Variants in MOV10 observed in about 807,000 individuals in gnomAD.
MOV10 encodes RNA helicase MOV-10.
Under a neutral mutation model 108.4 loss-of-function variants are expected in MOV10, and 39 were observed. That is an observed-to-expected ratio of 0.36 (90% CI 0.28 to 0.47). The LOEUF is 0.47. Ranked by LOEUF, MOV10 falls within the 20% of genes least tolerant of loss-of-function variation. MOV10 has a pLI of 1.00. For synonymous variants in MOV10, 490 were observed against 523.1 expected (o/e 0.94, Z 0.86); for missense variants, 952 against 1,297.6 (o/e 0.73, Z 4.09).
Position 112,694,292 on chromosome 1 carries a change from CAG to C in MOV10, c.1295+121_1295+122del. 1 of 1,439,128 alleles carries C rather than the reference CAG, an allele frequency of 6.9e-7. No individual in the cohort carries two copies. Among genetic ancestry groups the C allele is most frequent in the Non-Finnish European group, 9.6e-7 (1 of 1,039,930 alleles). 89.1% of individuals were successfully genotyped at this position (1,439,128 alleles called of 1,614,324 possible). A position where few individuals can be genotyped will look rare whatever the true frequency, so the allele number is the denominator to read the frequency against. ...CGGGGCAGAGCAGGAGACTTTTCCT[CAG>C]GGGTACCCTGAGATGCTACGGCAGC... On this transcript the variant is annotated intron_variant, in intron 8 of 20. Transcript: ENST00000369645. This position sits in a 1 kb window ranked among gnomAD's most constrained non-coding sequence, Gnocchi z 4.1.
In MOV10 at chr1:112,695,298, T is replaced by C. The variant is rs552054628; in HGVS notation, c.1621-118T>C. On this transcript the variant is annotated intron_variant, in intron 10 of 20. Transcript: ENST00000369645. Reference sequence around the variant, plus strand: ...GAGCACTGTTGTACGGGTAGGGCACTGCATGAATCTTGGAGTCACCATTCA... The same window carrying C: ...GAGCACTGTTGTACGGGTAGGGCACCGCATGAATCTTGGAGTCACCATTCA... 8.9e-5 allele frequency: 91 copies of C among 1,024,996 alleles called. No individual in the cohort carries two copies. In the African/African-American group the frequency reaches 1.3e-3, roughly 15 times the overall value. The allele number at this position is 1,024,996 out of a possible 1,614,324, so 63.5% of individuals were successfully genotyped here.
chr1:112,683,059 A>G (rs993459438), intron 2 of MOV10, among the ~76,000 whole-genome samples: 3 of 151,298 alleles, frequency 2.0e-5, no homozygotes, highest in Admixed American at 1.3e-4. Flanking sequence ...AGCAGGGATT[A>G]CAGGTGCCTG....
chr1:112,682,101 G>A (rs1021908622), intron 2 of MOV10, among the ~76,000 whole-genome samples: 6 of 151,870 alleles, frequency 4.0e-5, no homozygotes, highest in Admixed American at 2.0e-4. Flanking sequence ...CACCATGTTG[G>A]CCAGGCTGGT....
intron 2 of MOV10, among the ~76,000 whole-genome samples, chr1:112,683,145 C>T (rs1443272640): frequency 6.6e-6 from 1 of 151,724 alleles, no homozygotes; most frequent in African/African-American, 2.4e-5. Flanking sequence ...GTCTCGAACT[C>T]CTGACCTCAA....
chr1:112,691,933 C>G (rs1673628696), intron 6 of MOV10, 134 bp downstream of exon 6: 2 of 935,094 alleles, frequency 2.1e-6, no homozygotes, highest in South Asian at 3.6e-5. Flanking sequence ...CACCATACAC[C>G]AAGCACCATT....
In MOV10 at chr1:112,696,722, C is replaced by G. The variant is rs1169594503; in HGVS notation, c.2074C>G (p.Leu692Val). The change falls in exon 14 of 21, where the codon CTG becomes GTG. Residue 692 changes from leucine to valine, a missense_variant. Leu to Val is a conservative substitution (Grantham distance 32, BLOSUM62 1). Transcript: ENST00000369645. ...GCTGGGGCCTGTGCTGCGTTCCCCA[C>G]TGACCCAGAAGCATGGACTGGGATA... is the stretch of plus-strand genomic sequence containing the variant. Reference protein sequence around the residue: ...RQLGPVLRSPLTQKHGLGYSL... With the variant: ...RQLGPVLRSPVTQKHGLGYSL... 4 of 1,606,990 alleles carry G rather than the reference C, an allele frequency of 2.5e-6. No homozygotes were observed. Among genetic ancestry groups the G allele is most frequent in the Non-Finnish European group, 3.4e-6 (4 of 1,176,814 alleles).
At chr1:112,696,367 C>G (rs554766604) in intron 12 of MOV10, 70 bp from the exon 13 acceptor site, 1 of 1,450,214 alleles carries the variant, frequency 6.9e-7, no homozygotes, top group African/African-American at 1.4e-5. Flanking sequence ...GAGAAGCCAG[C>G]CTGGGAAAGC....
chr1:112,685,206 T>G (rs1454136482), intron 2 of MOV10: 2 of 133,800 alleles, frequency 1.5e-5, no homozygotes, highest in African/African-American at 5.4e-5. Flanking sequence ...TTTTTTTCAC[T>G]ATTGCCCAGG....
intron 1 of MOV10, 53 bp downstream of exon 1, chr1:112,674,782 A>G: frequency 1.2e-6 from 1 of 868,818 alleles, no homozygotes; most frequent in Non-Finnish European, 1.7e-6. Context: ...AGCCCGCAGG[A>G]TCAGGGGTCA....
rs1672053764 is a variant in MOV10, at chr1:112,674,883, C to T, written c.-30C>T. ...GACTTTCAGTTTCATTTCCACGGACCCTCCTGCCTGGGCCGCAGCCGCCGC... is the reference window on the plus strand; with the variant it reads ...GACTTTCAGTTTCATTTCCACGGACTCTCCTGCCTGGGCCGCAGCCGCCGC... On this transcript the variant is annotated 5_prime_UTR_variant, in exon 2 of 21. Transcript: ENST00000369645. The T allele has an allele frequency of 6.5e-7, 1 of 1,530,602 alleles. No individual in the cohort carries two copies. Among genetic ancestry groups the T allele is most frequent in the African/African-American group, 1.5e-5 (1 of 68,762 alleles). The allele number at this position is 1,530,602 out of a possible 1,614,324, so 94.8% of individuals were successfully genotyped here. A position where few individuals can be genotyped will look rare whatever the true frequency, so the allele number is the denominator to read the frequency against.
At chr1:112,682,745 A>T (rs749657512) in intron 2 of MOV10, among the ~76,000 whole-genome samples, 4 of 152,136 alleles carry the variant, frequency 2.6e-5, no homozygotes, top group Non-Finnish European at 4.4e-5. Context: ...TGTGTAAGGC[A>T]ACTTTCACTT....
intron 6 of MOV10, 73 bp from the exon 7 acceptor site, chr1:112,692,688 A>G: frequency 6.4e-7 from 1 of 1,559,744 alleles, no homozygotes; most frequent in Admixed American, 1.8e-5. Context: ...GAAGGTGGAT[A>G]CTCCTGGGCA....
chr1:112,675,297 C>T lies in MOV10; in HGVS notation c.137+248C>T. 6.6e-6 allele frequency among the ~76,000 whole-genome samples: 1 copy of T among 152,050 alleles called. No individual in the cohort carries two copies. The highest frequency in any genetic ancestry group is 1.9e-4 in the East Asian group (1 of 5,176). On this transcript the variant is annotated intron_variant, in intron 2 of 20. Coordinates refer to ENST00000369645, the MANE Select transcript of MOV10 (RefSeq NM_001321324.2). This position sits in a 1 kb window ranked among gnomAD's most constrained non-coding sequence, Gnocchi z 4.7. ...AAGTCGCCGCGGAGAGCCTCCCGCG[C>T]TGCCCGCGCCCCCGGAGGCCGGAAC... is the stretch of plus-strand genomic sequence containing the variant.
intron 2 of MOV10, among the ~76,000 whole-genome samples, chr1:112,688,053 C>G (rs1673226511): frequency 6.6e-6 from 1 of 152,156 alleles, no homozygotes; most frequent in African/African-American, 2.4e-5. Context: ...CCTCTGCCCC[C>G]AGACTGGGCT....
rs772001776 is a variant in MOV10, at chr1:112,694,048, G to C, written c.1171G>C (p.Val391Leu). ...TGGAGTGACTGAGAGCCGCCCCTCA[G>C]TGCTACGGGGCGACCACCTGTTTGC... ...VPGVTESRPS[V>L]LRGDHLFALL... is the part of the protein sequence containing the mutation. Residue 391 changes from valine to leucine, a missense_variant, in exon 8 of 21, where the codon GTG (valine) becomes CTG (leucine). Physicochemically the swap from Val to Leu is conservative, Grantham distance 32. Around this residue, in one of 5 missense-constraint regions of MOV10, gnomAD observed 18 missense variants for 56.7 expected, o/e 0.32. Coordinates refer to ENST00000369645, the MANE Select transcript of MOV10 (RefSeq NM_001321324.2). This position sits in a 1 kb window ranked among gnomAD's most constrained non-coding sequence, Gnocchi z 4.1. 1 of 1,613,952 alleles carries C rather than the reference G, an allele frequency of 6.2e-7. No individual in the cohort carries two copies. Among genetic ancestry groups the C allele is most frequent in the African/African-American group, 1.3e-5 (1 of 74,860 alleles).
In MOV10 at chr1:112,675,065, C is replaced by A; in HGVS notation, c.137+16C>A. On this transcript the variant is annotated intron_variant, in intron 2 of 20. Coordinates refer to ENST00000369645, the MANE Select transcript of MOV10 (RefSeq NM_001321324.2). The surrounding 1 kb of genome is among the most constrained non-coding windows in gnomAD (Gnocchi z 4.7). ...TCAAGATCAGGTACGGGCCGGCCCA[C>A]TCCCGGCCCCGAATCGCGGGCCCAG... The A allele has an allele frequency of 6.3e-7, 1 of 1,576,942 alleles. No homozygotes were observed. The highest frequency in any genetic ancestry group is 1.9e-5 in the Admixed American group (1 of 53,742).
chr1:112,696,381 C>A, intron 12 of MOV10, 56 bp from the exon 13 acceptor site: 5 of 1,483,130 alleles, frequency 3.4e-6, no homozygotes, highest in Non-Finnish European at 3.8e-6. Flanking sequence ...GGAAAGCATT[C>A]AGGTTTGGTA....
At chr1:112,677,740 A>G (rs1280493087) in intron 2 of MOV10, among the ~76,000 whole-genome samples, 1 of 152,106 alleles carries the variant, frequency 6.6e-6, no homozygotes, top group East Asian at 1.9e-4. Flanking sequence ...ACTAGCAACT[A>G]GAGTTAACTA....
At chr1:112,691,347 A>G (rs1673568023) in intron 5 of MOV10, among the ~76,000 whole-genome samples, 1 of 152,178 alleles carries the variant, frequency 6.6e-6, no homozygotes, top group African/African-American at 2.4e-5. Context: ...TGTTGACTAT[A>G]TATGTATAAC....
Sources: gnomAD v4.1 joint callset for allele counts (sites outside exome capture counted in the v4.1 genomes callset) on GRCh38, gnomAD v4.1.1 for gene constraint, gnomAD v4.1.1 regional missense constraint, Gnocchi (gnomAD v3.1) non-coding constraint, MANE v1.5 for transcripts, NCBI Gene and HGNC (gene_info 2026-07-23, HGNC 2026-07-21) for gene names.